Variants in ZNF385D observed in about 807,000 individuals in gnomAD.
ZNF385D encodes zinc finger protein 385D, also known as zinc finger protein 659.
ZNF385D carries 15 observed loss-of-function variants against 35.8 expected under a neutral mutation model. That is an observed-to-expected ratio of 0.42 (90% CI 0.28 to 0.64). The LOEUF (loss-of-function observed/expected upper bound fraction) is 0.64, where lower values mean the gene tolerates loss of function less well. Ranked by LOEUF, ZNF385D falls within the 30% of genes least tolerant of loss-of-function variation. ZNF385D has a pLI of 0.23. For synonymous variants in ZNF385D, 212 were observed against 186.8 expected, an observed-to-expected ratio of 1.13 and a Z score of -1.10; for missense variants, 474 against 494.6, an observed-to-expected ratio of 0.96 and a Z score of 0.39.
intron 2 of ZNF385D, among the ~76,000 whole-genome samples, chr3:22,337,560 A>C (rs1287827474): frequency 6.6e-6 from 1 of 152,146 alleles, no homozygotes; most frequent in Non-Finnish European, 1.5e-5. Flanking sequence ...AAATACAGTT[A>C]AAATACTCAT....
chr3:22,109,827 C>T (rs1432267694), intron 3 of ZNF385D, among the ~76,000 whole-genome samples: 3 of 152,130 alleles, frequency 2.0e-5, no homozygotes, highest in Non-Finnish European at 4.4e-5. Flanking sequence ...AAACTGCCAT[C>T]AGAGTGAACA....
At chr3:22,365,894 CTGT>C (rs972156185) in intron 2 of ZNF385D, among the ~76,000 whole-genome samples, 3 of 152,002 alleles carry the variant, frequency 2.0e-5, no homozygotes, top group Non-Finnish European at 4.4e-5. Flanking sequence ...TAATATGTTT[CTGT>C]TGTTATTATT....
intron 4 of ZNF385D, among the ~76,000 whole-genome samples, chr3:21,458,422 C>T (rs1702959424): frequency 1.3e-5 from 2 of 151,486 alleles, no homozygotes; most frequent in Admixed American, 1.3e-4. Context: ...GTTGACACTG[C>T]AGTAAGCCAA....
intron 3 of ZNF385D, among the ~76,000 whole-genome samples, chr3:21,758,898 C>G (rs1167768793): frequency 7.6e-6 from 1 of 132,132 alleles, no homozygotes; most frequent in Non-Finnish European, 1.5e-5. Flanking sequence ...CATGTCATAA[C>G]TTTGGTAGTC....
chr3:21,939,545 A>C (rs181710255), intron 3 of ZNF385D, among the ~76,000 whole-genome samples: 6 of 152,350 alleles, frequency 3.9e-5, no homozygotes, highest in Admixed American at 3.9e-4. Context: ...AACAATAATC[A>C]TTCAATCAAG....
intron 3 of ZNF385D, among the ~76,000 whole-genome samples, chr3:22,107,056 C>CTTTTTTTT (rs1467865284): frequency 4.8e-5 from 5 of 104,434 alleles, no homozygotes; most frequent in Non-Finnish European, 8.6e-5. Flanking sequence ...CAGAGTTTTG[C>CTTTTTTTT]TCTTGTTGCC....
At position 22,121,382 on chromosome 3, in the gene ZNF385D, C is replaced by A. The variant is rs149287006; in HGVS notation, c.325+47435G>T. On this transcript the variant is annotated intron_variant, in intron 3 of 5. Coordinates refer to the ZNF385D transcript ENST00000494108. ...CAGTCTGCAGCCCCCAGATTTAACT[C>A]AGCATGCATAATCAGCAACAACTGC... Among the ~76,000 whole-genome samples the A allele has an allele frequency of 7.9e-5, 12 of 152,322 alleles. No homozygotes were observed. In the East Asian group the frequency reaches 2.3e-3, roughly 29 times the overall value.
At chr3:21,567,342 C>T (rs2063184204) in intron 2 of ZNF385D, among the ~76,000 whole-genome samples, 1 of 152,112 alleles carries the variant, frequency 6.6e-6, no homozygotes. Context: ...ACATATACTG[C>T]CAAGTCCCTC....
At chr3:21,824,250 T>A (rs1218844084) in intron 3 of ZNF385D, among the ~76,000 whole-genome samples, 3 of 152,212 alleles carry the variant, frequency 2.0e-5, no homozygotes, top group African/African-American at 7.2e-5. Flanking sequence ...ATTAACGTTA[T>A]ATTCAAAACG....
intron 3 of ZNF385D, among the ~76,000 whole-genome samples, chr3:21,788,048 A>C (rs1172261677): frequency 1.3e-5 from 2 of 151,880 alleles, no homozygotes; most frequent in East Asian, 3.9e-4. Context: ...CCATTAAAAA[A>C]ACCCAAAAGA....
At chr3:22,202,061 G>T (rs191776424) in intron 2 of ZNF385D, among the ~76,000 whole-genome samples, 1 of 151,924 alleles carries the variant, frequency 6.6e-6, no homozygotes. Flanking sequence ...ATTTGAGTCA[G>T]GAAACTGGGA....
intron 3 of ZNF385D, among the ~76,000 whole-genome samples, chr3:22,031,035 A>T (rs997564330): frequency 3.3e-5 from 5 of 152,318 alleles, no homozygotes; most frequent in Admixed American, 2.6e-4. Context: ...TCTATGTCTC[A>T]TATCCAGGAC....
intron 2 of ZNF385D, among the ~76,000 whole-genome samples, chr3:22,269,821 T>C (rs1382894392): frequency 1.3e-5 from 2 of 151,886 alleles, no homozygotes; most frequent in Admixed American, 6.6e-5. Flanking sequence ...TGAATCTCAA[T>C]GCTAACTCCA....
chr3:21,540,967 C>T (rs1468752311), intron 3 of ZNF385D, among the ~76,000 whole-genome samples: 1 of 152,082 alleles, frequency 6.6e-6, no homozygotes, highest in Non-Finnish European at 1.5e-5. Flanking sequence ...GACAACAGAT[C>T]CCAGAGGCAG....
chr3:22,369,275 A>G (rs1211677156), intron 2 of ZNF385D, among the ~76,000 whole-genome samples: 2 of 152,176 alleles, frequency 1.3e-5, no homozygotes, highest in Non-Finnish European at 2.9e-5. Context: ...TATTAGTCCT[A>G]TTGTTTGAAT....
intron 3 of ZNF385D, among the ~76,000 whole-genome samples, chr3:21,547,463 C>T (rs893294642): frequency 6.6e-6 from 1 of 151,258 alleles, no homozygotes; most frequent in Non-Finnish European, 1.5e-5. Context: ...TCAACCAGAG[C>T]GTCTGACGAT....
chr3:22,042,461 A>G (rs1227514621), intron 3 of ZNF385D, among the ~76,000 whole-genome samples: 2 of 152,168 alleles, frequency 1.3e-5, no homozygotes, highest in Non-Finnish European at 2.9e-5. Context: ...TTTGTGTTAC[A>G]AAACATATGG....
intron 1 of ZNF385D, among the ~76,000 whole-genome samples, chr3:21,723,396 G>A (rs777202757): frequency 1.3e-5 from 2 of 152,056 alleles, no homozygotes; most frequent in East Asian, 3.9e-4. Context: ...AGGAAGCAAA[G>A]AACCTTGAAA....
At chr3:21,919,209 C>T (rs142825603) in intron 3 of ZNF385D, among the ~76,000 whole-genome samples, 147 of 152,276 alleles carry the variant, frequency 9.7e-4, no homozygotes, top group Admixed American at 2.0e-3. Flanking sequence ...ATTCATTCAC[C>T]ACACAAGTAC....
Sources: allele counts gnomAD v4.1 joint callset (sites outside exome capture counted in the v4.1 genomes callset), GRCh38; gene constraint gnomAD v4.1.1; transcripts MANE v1.5; gene names NCBI Gene and HGNC (gene_info 2026-07-23, HGNC 2026-07-21).